The following GRIN2B variants were observed in gnomAD, a reference collection of about 807,000 sequenced individuals.
GRIN2B encodes the protein glutamate receptor ionotropic, NMDA 2B.
A neutral mutation model predicts 114.5 loss-of-function variants in GRIN2B; 5 were observed. The observed-to-expected ratio is 0.04, with a 90% CI of 0.02 to 0.09. The LOEUF is 0.09. GRIN2B is among the 10% of genes least tolerant of loss of function. The pLI, the probability that GRIN2B is intolerant of heterozygous loss-of-function variation, is 1.00. For missense variants in GRIN2B, 1,108 were observed against 1,943.5 expected, an observed-to-expected ratio of 0.57 and a Z score of 8.08; for synonymous variants, 787 against 745.1, an observed-to-expected ratio of 1.06 and a Z score of -0.92.
Position 13,567,075 on chromosome 12 carries a change from A to G in GRIN2B, c.2548T>C (p.Phe850Leu). 6.2e-7 allele frequency: 1 copy of G among 1,614,172 alleles called. No homozygotes were observed. Among genetic ancestry groups the G allele is most frequent in the Non-Finnish European group, 8.5e-7 (1 of 1,180,004 alleles). The change falls in exon 13 of 14, where the codon TTT (phenylalanine) becomes CTT (leucine). Residue 850 changes from phenylalanine (F) to leucine (L), a missense_variant. This residue lies in a region of GRIN2B where 30 missense variants were observed against 35.9 expected (regional missense o/e 0.84). Transcript: ENST00000609686. ...HLFYWQFRHC[F>L]MGVCSGKPGM... ...GGCTTGCCAGAACAGACACCCATAA[A>G]GCAATGTCGGAACTGCCAATAGAAA... is the stretch of plus-strand genomic sequence containing the variant.
rs550903985 is a variant in GRIN2B, at chr12:13,789,217, C to T, written c.412-35302G>A. Among the ~76,000 whole-genome samples the T allele has an allele frequency of 1.2e-3, 177 of 152,244 alleles. 1 individual carries two copies. Among genetic ancestry groups the T allele is most frequent in the African/African-American group, 4.1e-3 (172 of 41,548 alleles). ...AACAACAGCCTCTGTAGGATCCATG[C>T]CAGAGTATCAGAATAAAATGAAAAA... On this transcript the variant is annotated intron_variant, in intron 3 of 13. Coordinates refer to ENST00000609686, the MANE Select transcript of GRIN2B (RefSeq NM_000834.5).
intron 5 of GRIN2B, among the ~76,000 whole-genome samples, chr12:13,661,652 C>T (rs1235070009): frequency 6.6e-6 from 1 of 152,144 alleles, no homozygotes; most frequent in African/African-American, 2.4e-5. Flanking sequence ...GAGTTGCAAA[C>T]TCCAGTGTCT....
At chr12:13,645,827 G>A (rs1339107360) in intron 5 of GRIN2B, among the ~76,000 whole-genome samples, 5 of 152,072 alleles carry the variant, frequency 3.3e-5, no homozygotes, top group Non-Finnish European at 7.4e-5. Flanking sequence ...TGATTCACTC[G>A]CATTTTCCCT....
rs533295622 is a variant in GRIN2B, at chr12:13,957,096, CAA to C, written c.-19+22830_-19+22831del. ...GAACAAGAAAAGAGAAAGAAACCAG[CAA>C]AGACAGGGTCAGGCCACACCATGCC... On this transcript the variant is annotated intron_variant, in intron 2 of 13. Transcript: ENST00000609686. Among the ~76,000 whole-genome samples, 866 of 152,224 alleles carry C rather than the reference CAA, an allele frequency of 5.7e-3. 11 individuals carry two copies. The highest frequency in any genetic ancestry group is 0.02 in the African/African-American group (822 of 41,536).
intron 4 of GRIN2B, among the ~76,000 whole-genome samples, chr12:13,678,913 TAA>T (rs1332398577): frequency 1.3e-5 from 2 of 151,758 alleles, no homozygotes; most frequent in African/African-American, 4.8e-5. Flanking sequence ...AGTCTTCAAA[TAA>T]AGTTTATGAG....
chr12:13,605,553 A>ACTCTCT (rs1949234262), intron 10 of GRIN2B, among the ~76,000 whole-genome samples: 1 of 2,938 alleles, frequency 3.4e-4, no homozygotes, highest in African/African-American at 7.6e-4. Flanking sequence ...TCTCTCTCTG[A>ACTCTCT]CACACACACA....
chr12:13,894,688 A>C (rs1866326576), intron 2 of GRIN2B, among the ~76,000 whole-genome samples: 1 of 152,178 alleles, frequency 6.6e-6, no homozygotes, highest in Non-Finnish European at 1.5e-5. Context: ...ACATTGCTTA[A>C]GTATATATAC....
chr12:13,615,696 C>G lies in GRIN2B; in HGVS notation c.1329-32G>C. The G allele has an allele frequency of 6.3e-7, 1 of 1,596,538 alleles. No individual in the cohort carries two copies. The highest frequency in any genetic ancestry group is 8.6e-7 in the Non-Finnish European group (1 of 1,164,278). ...AATTAAAGAAACAAAAACAAACAAA[C>G]AAAAAAGTCTTTGTACAAAAAGCCA... On this transcript the variant is annotated intron_variant, in intron 6 of 13. Coordinates refer to ENST00000609686, the MANE Select transcript of GRIN2B (RefSeq NM_000834.5). This position sits in a 1 kb window ranked among gnomAD's most constrained non-coding sequence, Gnocchi z 5.8.
At chr12:13,707,799 T>C (rs1172867017) in intron 4 of GRIN2B, among the ~76,000 whole-genome samples, 2 of 152,092 alleles carry the variant, frequency 1.3e-5, no homozygotes, top group African/African-American at 4.8e-5. Flanking sequence ...TATTGGAATA[T>C]TTCTATTCAA....
chr12:13,739,833 A>T (rs1051401363), intron 4 of GRIN2B, among the ~76,000 whole-genome samples: 7 of 152,188 alleles, frequency 4.6e-5, no homozygotes, highest in African/African-American at 1.7e-4. Flanking sequence ...TCATGCTATG[A>T]AGAGGAATCA....
chr12:13,559,624 A>G lies in GRIN2B; in HGVS notation c.*3159T>C, dbSNP rs1948516034. On this transcript the variant is annotated 3_prime_UTR_variant, in exon 14 of 14. Coordinates refer to ENST00000609686, the MANE Select transcript of GRIN2B (RefSeq NM_000834.5). ...GGAATCATCTCACCACTGAGTTTCT[A>G]GTGGATCCCATCATCTTTTCTAGAA... The G allele has an allele frequency of 6.6e-6, 1 of 152,212 alleles. No homozygotes were observed. Among genetic ancestry groups the G allele is most frequent in the Non-Finnish European group, 1.5e-5 (1 of 68,042 alleles). The allele number at this position is 152,212 out of a possible 1,614,324, so 9.4% of individuals were successfully genotyped here.
intron 4 of GRIN2B, among the ~76,000 whole-genome samples, chr12:13,734,897 C>T (rs1225970609): frequency 6.6e-6 from 1 of 152,100 alleles, no homozygotes; most frequent in African/African-American, 2.4e-5. Context: ...TATGCAAATG[C>T]ATGAAGGGGT....
At chr12:13,976,605 T>C (rs116971613) in intron 2 of GRIN2B, among the ~76,000 whole-genome samples, 1 of 152,348 alleles carries the variant, frequency 6.6e-6, no homozygotes, top group Non-Finnish European at 1.5e-5. Flanking sequence ...CCCTAGCTTC[T>C]ACATGCTGAT....
intron 4 of GRIN2B, among the ~76,000 whole-genome samples, chr12:13,732,062 A>G (rs1054169808): frequency 3.3e-5 from 5 of 152,216 alleles, no homozygotes; most frequent in African/African-American, 1.2e-4. Context: ...AAAATACACT[A>G]ATGGTGCCTA....
In GRIN2B at chr12:13,623,099, A is replaced by G. The variant is rs576617455; in HGVS notation, c.1126-6442T>C. Among the ~76,000 whole-genome samples the G allele has an allele frequency of 2.0e-5, 3 of 152,332 alleles. No homozygotes were observed. In the East Asian group the frequency reaches 5.8e-4, roughly 29 times the overall value. On this transcript the variant is annotated intron_variant, in intron 5 of 13. Coordinates refer to ENST00000609686, the MANE Select transcript of GRIN2B (RefSeq NM_000834.5). ...TATGTATGCGTGTTTCCTAAATCAAATCATAATACACACATTTCTCTACCA... is the reference window on the plus strand; with the variant it reads ...TATGTATGCGTGTTTCCTAAATCAAGTCATAATACACACATTTCTCTACCA...
intron 10 of GRIN2B, among the ~76,000 whole-genome samples, chr12:13,607,878 T>C (rs112825704): frequency 1.4e-4 from 22 of 152,274 alleles, no homozygotes; most frequent in African/African-American, 5.3e-4. Context: ...CCTGGTTACA[T>C]AGTTTCAGGA....
intron 3 of GRIN2B, among the ~76,000 whole-genome samples, chr12:13,847,874 A>G (rs941392409): frequency 6.6e-6 from 1 of 152,180 alleles, no homozygotes; most frequent in African/African-American, 2.4e-5. Flanking sequence ...AAAACGGTCC[A>G]TAAATCGTCG....
chr12:13,613,644 G>A (rs956176068), intron 8 of GRIN2B, among the ~76,000 whole-genome samples: 6 of 152,108 alleles, frequency 3.9e-5, no homozygotes, highest in Admixed American at 1.3e-4. Context: ...TTTAATCCTA[G>A]AGCTGCCAGT....
rs541472307 is a variant in GRIN2B, at chr12:13,824,620, C to T, written c.411+41178G>A. On this transcript the variant is annotated intron_variant, in intron 3 of 13. Transcript: ENST00000609686. ...CTGTAATCCCTCCACTTTGGGAGGC[C>T]GAGGCAGGCGGATCACAAGGTCAGG... is the stretch of plus-strand genomic sequence containing the variant. Among the ~76,000 whole-genome samples the T allele has an allele frequency of 3.9e-5, 6 of 151,990 alleles. 1 individual carries two copies. Among genetic ancestry groups the T allele is most frequent in the Middle Eastern group, 3.4e-3 (1 of 294 alleles).
Sources: gnomAD v4.1 joint callset for allele counts (sites outside exome capture counted in the v4.1 genomes callset) on GRCh38, gnomAD v4.1.1 for gene constraint, gnomAD v4.1.1 regional missense constraint, Gnocchi (gnomAD v3.1) non-coding constraint, MANE v1.5 for transcripts, NCBI Gene and HGNC (gene_info 2026-07-23, HGNC 2026-07-21) for gene names.